Variants in PREX1 observed in about 807,000 individuals in gnomAD.
PREX1 encodes phosphatidylinositol-3,4,5-trisphosphate dependent Rac exchange factor 1.
A neutral mutation model predicts 198.3 loss-of-function variants in PREX1; 41 were observed. The observed-to-expected ratio is 0.21, with a 90% CI of 0.16 to 0.27. The LOEUF (loss-of-function observed/expected upper bound fraction) is 0.27, where lower values mean the gene tolerates loss of function less well. Ranked by LOEUF, PREX1 falls within the 10% of genes least tolerant of loss-of-function variation. The pLI, the probability that PREX1 is intolerant of heterozygous loss-of-function variation, is 1.00. For synonymous variants in PREX1, 843 were observed against 887.2 expected (o/e 0.95, Z 0.89); for missense variants, 1,620 against 2,200.7 (o/e 0.74, Z 5.28).
At chr20:48,795,916 G>A (rs1374083984) in intron 1 of PREX1, among the ~76,000 whole-genome samples, 1 of 152,140 alleles carries the variant, frequency 6.6e-6, no homozygotes, top group Non-Finnish European at 1.5e-5. Context: ...AAATGCACGT[G>A]CTCGAAAGCA....
chr20:48,651,025 C>G lies in PREX1; in HGVS notation c.2686G>C (p.Val896Leu). 6.2e-7 allele frequency: 1 copy of G among 1,614,164 alleles called. No homozygotes were observed. The highest frequency in any genetic ancestry group is 2.2e-5 in the East Asian group (1 of 44,890). Residue 896 changes from valine (V) to leucine (L), a missense_variant, in exon 23 of 40, where the codon GTC (valine) becomes CTC (leucine). Physicochemically the swap from Val to Leu is conservative, Grantham distance 32. Around this residue, in one of 7 missense-constraint regions of PREX1, gnomAD observed 514 missense variants for 611.6 expected, o/e 0.84. Transcript: ENST00000371941. ...AGCCGCCTGCAGTTCTCCACGAAGA[C>G]GCTGTCATTGGCAGCAAAGGCCTCG... The part of the protein sequence containing the change: ...ILEAFAANDS[V>L]FVENCRRLMA...
chr20:48,637,792 A>G (rs2122845199), intron 30 of PREX1, 40 bp from the exon 31 acceptor site: 1 of 1,090,234 alleles, frequency 9.2e-7, no homozygotes, highest in Non-Finnish European at 1.4e-6. Context: ...ACGGGCTGGG[A>G]GGGGGCAGCA....
chr20:48,754,727 G>A (rs998843275), intron 1 of PREX1, among the ~76,000 whole-genome samples: 1 of 151,614 alleles, frequency 6.6e-6, no homozygotes, highest in Admixed American at 6.6e-5. Context: ...GGGAGCTCCA[G>A]AACACAGCCA....
the PREX1 span, among the ~76,000 whole-genome samples, chr20:48,846,643 GA>G: frequency 1.3e-5 from 2 of 152,142 alleles, no homozygotes; most frequent in Non-Finnish European, 2.9e-5. Flanking sequence ...ACGCTCCCTG[GA>G]CCCCAGCAAA....
chr20:48,788,519 C>T (rs1360650486), intron 1 of PREX1, among the ~76,000 whole-genome samples: 1 of 152,184 alleles, frequency 6.6e-6, no homozygotes, highest in East Asian at 1.9e-4. Flanking sequence ...CCACCTGAGG[C>T]ACACAGAGCA....
chr20:48,850,419 T>G, the PREX1 span, among the ~76,000 whole-genome samples: 1 of 152,134 alleles, frequency 6.6e-6, no homozygotes, highest in African/African-American at 2.4e-5. Flanking sequence ...ATTAGGCGGT[T>G]GCAATTTGGC....
chr20:48,748,400 A>G (rs73256497), intron 1 of PREX1, among the ~76,000 whole-genome samples: 2,187 of 152,152 alleles, frequency 0.014, 55 homozygotes, highest in African/African-American at 0.05. Flanking sequence ...CCCTACAGGA[A>G]CCCCAGCTAC....
At chr20:48,850,320 T>C in the PREX1 span, among the ~76,000 whole-genome samples, 1 of 152,238 alleles carries the variant, frequency 6.6e-6, no homozygotes, top group Admixed American at 6.5e-5. Context: ...AGCAGCTTTA[T>C]AGGAACCAGG....
At chr20:48,686,729 T>C (rs550775260) in intron 10 of PREX1, among the ~76,000 whole-genome samples, 1 of 152,350 alleles carries the variant, frequency 6.6e-6, no homozygotes, top group South Asian at 2.1e-4. Context: ...CTGGAGTTCC[T>C]GATCTTTGAG....
At chr20:48,723,378 G>A (rs915033658) in intron 5 of PREX1, among the ~76,000 whole-genome samples, 5 of 152,226 alleles carry the variant, frequency 3.3e-5, no homozygotes, top group Admixed American at 6.5e-5. Context: ...AAGGAACTCC[G>A]GAGGTGGGGG....
intron 1 of PREX1, among the ~76,000 whole-genome samples, chr20:48,781,717 G>A (rs1488553665): frequency 6.6e-6 from 1 of 152,128 alleles, no homozygotes; most frequent in Non-Finnish European, 1.5e-5. Flanking sequence ...CCTGGGTAAG[G>A]GACTCCCCCT....
At chr20:48,678,515 A>T (rs866749415) in intron 13 of PREX1, among the ~76,000 whole-genome samples, 1 of 151,980 alleles carries the variant, frequency 6.6e-6, no homozygotes, top group Non-Finnish European at 1.5e-5. Flanking sequence ...AAGGGAGCTG[A>T]TATCGTTGGG....
rs145448549 is a variant in PREX1 at position 48,757,743 on chromosome 20, C to T, written c.220-9863G>A. Reference sequence around the variant, plus strand: ...GTGAAGGGGTGGGCACTTTCAATTCCGTGTAGCCCCTGGACCAGCTCAGAC... The same window carrying T: ...GTGAAGGGGTGGGCACTTTCAATTCTGTGTAGCCCCTGGACCAGCTCAGAC... On this transcript the variant is annotated intron_variant, in intron 1 of 39. Coordinates refer to ENST00000371941, the MANE Select transcript of PREX1 (RefSeq NM_020820.4). Among the ~76,000 whole-genome samples the T allele has an allele frequency of 3.9e-5, 6 of 152,280 alleles. No homozygotes were observed. In the East Asian group the frequency reaches 9.6e-4, roughly 24 times the overall value.
upstream of PREX1, among the ~76,000 whole-genome samples, chr20:48,828,621 A>C (rs2090524616): frequency 6.6e-6 from 1 of 152,062 alleles, no homozygotes; most frequent in Admixed American, 6.5e-5. Context: ...GACCTTGGGA[A>C]GGAACATGCG....
chr20:48,685,374 G>A (rs12480571), intron 10 of PREX1, among the ~76,000 whole-genome samples: 23,304 of 152,240 alleles, frequency 0.15, 2,148 homozygotes, highest in Middle Eastern at 0.28. Flanking sequence ...AGGGCAGAAA[G>A]AGGCCCCTCC....
At chr20:48,631,375 G>A (rs994385333) in intron 35 of PREX1, among the ~76,000 whole-genome samples, 1 of 152,194 alleles carries the variant, frequency 6.6e-6, no homozygotes, top group Non-Finnish European at 1.5e-5. Flanking sequence ...CCCTGCTCTA[G>A]AATATATGCT....
intron 1 of PREX1, among the ~76,000 whole-genome samples, chr20:48,765,096 C>T (rs546399193): frequency 1.2e-4 from 18 of 152,226 alleles, no homozygotes; most frequent in South Asian, 4.1e-4. Flanking sequence ...ACTGCTAGCT[C>T]GAAACATGTA....
intron 4 of PREX1, among the ~76,000 whole-genome samples, chr20:48,734,333 G>A (rs577218344): frequency 3.9e-5 from 6 of 152,274 alleles, no homozygotes; most frequent in South Asian, 4.1e-4. Context: ...GAGCTGAGTC[G>A]TGGTGACAGA....
At chr20:48,735,304 T>A (rs1354068868) in intron 3 of PREX1, among the ~76,000 whole-genome samples, 1 of 152,126 alleles carries the variant, frequency 6.6e-6, no homozygotes. Flanking sequence ...GCCTCAATCC[T>A]GAGCTAGGGA....
Sources: gnomAD v4.1 joint callset for allele counts (sites outside exome capture counted in the v4.1 genomes callset) on GRCh38, gnomAD v4.1.1 for gene constraint, gnomAD v4.1.1 regional missense constraint, MANE v1.5 for transcripts, NCBI Gene and HGNC (gene_info 2026-07-23, HGNC 2026-07-21) for gene names.